The following GRM8 variants were observed in gnomAD, a reference collection of about 807,000 sequenced individuals.
GRM8 encodes the protein glutamate metabotropic receptor 8, also known as metabotropic glutamate receptor 8.
Under a neutral mutation model 87.2 loss-of-function variants are expected in GRM8, and 47 were observed. That is an observed-to-expected ratio of 0.54 (90% CI 0.43 to 0.69). The LOEUF is 0.69. Ranked by LOEUF, GRM8 falls within the 30% of genes least tolerant of loss-of-function variation. The pLI is 0.00. For synonymous variants in GRM8, 396 were observed against 404.5 expected, an observed-to-expected ratio of 0.98 and a Z score of 0.25; for missense variants, 1,019 against 1,139.2, an observed-to-expected ratio of 0.89 and a Z score of 1.52.
In GRM8 at chr7:127,015,001, A is replaced by AAAGAAGAAGAAGAAG. The variant is rs538403014; in HGVS notation, c.727+91480_727+91494dup. Among the ~76,000 whole-genome samples, 82 of 59,702 alleles carry AAAGAAGAAGAAGAAG rather than the reference A, an allele frequency of 1.4e-3. 1 individual carries two copies. The highest frequency in any genetic ancestry group is 3.4e-3 in the East Asian group (7 of 2,038). 39.2% of individuals were successfully genotyped at this position (59,702 alleles called of 152,430 possible). On this transcript the variant is annotated intron_variant, in intron 3 of 10. Transcript: ENST00000339582. ...GAAGGAGAAGAGGAAGAAGAAGAAG[A>AAAGAAGAAGAAGAAG]AAGAAGAAGAAGAAGAAGAAGAAGA...
In GRM8 at chr7:126,533,792, T is replaced by C. The variant is rs750857119; in HGVS notation, c.1590A>G (p.Lys530=). ...CKPGERKKTV[K]GVPCCWHCER... Reference sequence around the variant, plus strand: ...CACAGTGCCAGCAGCAAGGGACCCCTTTCACCGTTTTCTTCCTCTCCCCTG... The same window carrying C: ...CACAGTGCCAGCAGCAAGGGACCCCCTTCACCGTTTTCTTCCTCTCCCCTG... Residue 530 remains lysine, a synonymous_variant, in exon 9 of 11, where the codon AAA becomes AAG. Transcript: ENST00000339582. 1.9e-6 allele frequency: 3 copies of C among 1,614,020 alleles called. No individual in the cohort carries two copies. The highest frequency in any genetic ancestry group is 1.7e-5 in the Admixed American group (1 of 60,014).
At chr7:126,898,983 T>C (rs1450632410) in intron 6 of GRM8, among the ~76,000 whole-genome samples, 2 of 151,410 alleles carry the variant, frequency 1.3e-5, no homozygotes, top group Admixed American at 1.3e-4. Context: ...TCTGTGTCCA[T>C]ATGTTCTCAT....
intron 3 of GRM8, among the ~76,000 whole-genome samples, chr7:127,021,039 T>C (rs1442473412): frequency 1.3e-5 from 2 of 152,086 alleles, no homozygotes; most frequent in Non-Finnish European, 1.5e-5. Context: ...CTTTCAACTT[T>C]AGTTTTAAAT....
rs536523778 is a variant in GRM8, at chr7:126,696,400, AG to A, written c.1357+73464del. ...TCTTTCCCTGCCCCCTACTCCTGAC[AG>A]GCCCCAGTGTGTGTTGTTCCCCTCC... is the stretch of plus-strand genomic sequence containing the variant. On this transcript the variant is annotated intron_variant, in intron 7 of 10. Coordinates refer to ENST00000339582, the MANE Select transcript of GRM8 (RefSeq NM_000845.3). Among the ~76,000 whole-genome samples, 147 of 152,146 alleles carry A rather than the reference AG, an allele frequency of 9.7e-4. 1 individual carries two copies. The highest frequency in any genetic ancestry group is 3.5e-3 in the African/African-American group (144 of 41,516).
At chr7:127,090,323 T>A (rs1381936060) in intron 3 of GRM8, among the ~76,000 whole-genome samples, 1 of 152,204 alleles carries the variant, frequency 6.6e-6, no homozygotes, top group Non-Finnish European at 1.5e-5. Context: ...AATTATGTGT[T>A]AAATGAATGG....
chr7:126,873,455 C>T (rs191954678), intron 6 of GRM8, among the ~76,000 whole-genome samples: 1 of 152,130 alleles, frequency 6.6e-6, no homozygotes, highest in East Asian at 1.9e-4. Context: ...AACTCTCACA[C>T]ACCCTTAAGA....
chr7:126,608,831 T>A (rs1478747690), intron 8 of GRM8, among the ~76,000 whole-genome samples: 1 of 146,130 alleles, frequency 6.8e-6, no homozygotes, highest in African/African-American at 2.5e-5. Context: ...TGGCGCGACC[T>A]CGGCTCACTG....
At chr7:127,036,102 T>C (rs1817817417) in intron 3 of GRM8, among the ~76,000 whole-genome samples, 1 of 152,226 alleles carries the variant, frequency 6.6e-6, no homozygotes. Context: ...TCCAGTTGGC[T>C]TTCTTGTGAA....
intron 2 of GRM8, among the ~76,000 whole-genome samples, chr7:127,146,333 C>T (rs1301012817): frequency 2.6e-5 from 4 of 151,974 alleles, no homozygotes; most frequent in Non-Finnish European, 5.9e-5. Flanking sequence ...GTAGGAGATA[C>T]TTGTGGCATT....
chr7:126,706,372 G>A (rs762665654), intron 7 of GRM8, among the ~76,000 whole-genome samples: 2 of 152,094 alleles, frequency 1.3e-5, no homozygotes, highest in Non-Finnish European at 2.9e-5. Flanking sequence ...CCTGTCCAAA[G>A]GTCAGTAAGT....
chr7:127,130,996 A>G (rs537219358), intron 2 of GRM8, among the ~76,000 whole-genome samples: 9 of 152,326 alleles, frequency 5.9e-5, no homozygotes, highest in Non-Finnish European at 1.2e-4. Flanking sequence ...CAGTGTGATA[A>G]CAGACTAATA....
chr7:126,929,003 G>T (rs957226594), intron 3 of GRM8, among the ~76,000 whole-genome samples: 2 of 152,152 alleles, frequency 1.3e-5, no homozygotes, highest in South Asian at 2.1e-4. Context: ...ACAGGCAAAG[G>T]TGTTGATGCA....
In GRM8 at chr7:126,911,570, G is replaced by A. The variant is rs139522305; in HGVS notation, c.728-6887C>T. Among the ~76,000 whole-genome samples the A allele has an allele frequency of 3.9e-3, 587 of 152,316 alleles. 4 individuals carry two copies. Among genetic ancestry groups the A allele is most frequent in the African/African-American group, 0.013 (555 of 41,556 alleles). On this transcript the variant is annotated intron_variant, in intron 3 of 10. Transcript: ENST00000339582. Reference sequence around the variant, plus strand: ...TTTTTAAGAGGCTGGAATCTAATGTGTTGAGATAATAATGTTGGACTCTCC... The same window carrying A: ...TTTTTAAGAGGCTGGAATCTAATGTATTGAGATAATAATGTTGGACTCTCC...
At chr7:127,152,458 T>C (rs1239904196) in intron 2 of GRM8, among the ~76,000 whole-genome samples, 1 of 152,096 alleles carries the variant, frequency 6.6e-6, no homozygotes, top group South Asian at 2.1e-4. Flanking sequence ...AATCCAAATA[T>C]AAGCATGATT....
intron 3 of GRM8, among the ~76,000 whole-genome samples, chr7:127,092,639 G>A (rs1034914429): frequency 9.2e-5 from 14 of 152,296 alleles, no homozygotes; most frequent in African/African-American, 2.4e-4. Flanking sequence ...CCCAGGAAGC[G>A]GATATTGCAG....
chr7:126,562,431 G>T (rs951219754), intron 8 of GRM8, among the ~76,000 whole-genome samples: 2 of 152,172 alleles, frequency 1.3e-5, no homozygotes, highest in Non-Finnish European at 2.9e-5. Context: ...TAACAAGGGA[G>T]TCCTGGGATC....
intron 3 of GRM8, among the ~76,000 whole-genome samples, chr7:126,975,927 C>T (rs919551535): frequency 6.6e-6 from 1 of 152,026 alleles, no homozygotes; most frequent in Admixed American, 6.6e-5. Flanking sequence ...TTTATTATTA[C>T]TTATGTTAAT....
At chr7:127,211,735 C>G (rs1277868961) in intron 2 of GRM8, among the ~76,000 whole-genome samples, 6 of 152,326 alleles carry the variant, frequency 3.9e-5, no homozygotes, top group African/African-American at 1.4e-4. Context: ...GATGCAGCAA[C>G]CAGACACCAT....
At chr7:126,527,228 C>T (rs1223832710) in intron 9 of GRM8, among the ~76,000 whole-genome samples, 1 of 152,050 alleles carries the variant, frequency 6.6e-6, no homozygotes, top group East Asian at 1.9e-4. Flanking sequence ...CATAGTGGTG[C>T]ACATCTGTAA....
Sources: gnomAD v4.1 joint callset for allele counts (sites outside exome capture counted in the v4.1 genomes callset) on GRCh38, gnomAD v4.1.1 for gene constraint, MANE v1.5 for transcripts, NCBI Gene and HGNC (gene_info 2026-07-23, HGNC 2026-07-21) for gene names.